SCAPER: variants seen among roughly 807,000 people sequenced by gnomAD.
SCAPER encodes S phase cyclin A-associated protein in the endoplasmic reticulum.
In SCAPER, 98 loss-of-function variants were observed where a neutral mutation model predicts 182.2. The ratio of observed to expected loss-of-function variants is 0.54; its 90% CI spans 0.46 to 0.64. The LOEUF is 0.64. Among genes scored for constraint, SCAPER ranks in the 30% least tolerant of loss-of-function variants. SCAPER has a pLI of 0.00. For missense variants in SCAPER, 1,432 were observed against 1,690.0 expected (o/e 0.85, Z 2.68); for synonymous variants, 605 against 564.6 (o/e 1.07, Z -1.01).
chr15:76,681,481 G>A (rs557424896), intron 20 of SCAPER, among the ~76,000 whole-genome samples: 2 of 152,192 alleles, frequency 1.3e-5, no homozygotes, highest in Non-Finnish European at 2.9e-5. Flanking sequence ...ATGCAGCCAG[G>A]AGGAACATCT....
chr15:76,726,751 T>C (rs879870275), intron 17 of SCAPER, among the ~76,000 whole-genome samples: 1 of 152,066 alleles, frequency 6.6e-6, no homozygotes, highest in African/African-American at 2.4e-5. Flanking sequence ...AAATACCGTA[T>C]GATTCCACTT....
chr15:76,520,454 G>C lies in SCAPER; in HGVS notation c.2839-15480C>G, dbSNP rs1188635977. On this transcript the variant is annotated intron_variant, in intron 23 of 31. Transcript: ENST00000563290. ...GCTGGGCTTGAACTCCTGAGCTTAA[G>C]TGACCCAACCACCTTGACCTCCCAA... is the stretch of plus-strand genomic sequence containing the variant. 3.3e-5 allele frequency among the ~76,000 whole-genome samples: 5 copies of C among 152,116 alleles called. No homozygotes were observed. The East Asian group carries it at 7.7e-4, about 23-fold the overall frequency.
chr15:76,562,922 C>T (rs2046754755), intron 23 of SCAPER, among the ~76,000 whole-genome samples: 2 of 152,054 alleles, frequency 1.3e-5, no homozygotes, highest in Non-Finnish European at 2.9e-5. Flanking sequence ...AACTGTATAA[C>T]ATAAATTCTC....
intron 24 of SCAPER, among the ~76,000 whole-genome samples, chr15:76,495,100 T>C (rs1323257172): frequency 6.6e-6 from 1 of 152,128 alleles, no homozygotes; most frequent in Non-Finnish European, 1.5e-5. Context: ...TGCCTTACCA[T>C]GGCATAGATG....
intron 21 of SCAPER, among the ~76,000 whole-genome samples, chr15:76,660,590 C>T (rs1224503589): frequency 6.6e-6 from 1 of 152,006 alleles, no homozygotes; most frequent in East Asian, 1.9e-4. Context: ...AGAAAGCTTC[C>T]TCAATCTGAT....
chr15:76,705,650 G>T (rs1392011457), intron 18 of SCAPER, among the ~76,000 whole-genome samples: 1 of 149,814 alleles, frequency 6.7e-6, no homozygotes, highest in Admixed American at 6.7e-5. Flanking sequence ...AAATATTAAA[G>T]ATTCTAAATT....
intron 21 of SCAPER, among the ~76,000 whole-genome samples, chr15:76,650,613 A>G (rs1211093077): frequency 6.6e-6 from 1 of 152,140 alleles, no homozygotes; most frequent in Non-Finnish European, 1.5e-5. Context: ...AAATGGAACA[A>G]TATCAGAGAG....
intron 20 of SCAPER, among the ~76,000 whole-genome samples, chr15:76,678,234 A>G (rs1217652067): frequency 3.9e-5 from 6 of 152,092 alleles, no homozygotes; most frequent in Non-Finnish European, 5.9e-5. Flanking sequence ...TTAAAGGCTT[A>G]TTTCTTTAAA....
chr15:76,671,525 T>C (rs982316968), intron 20 of SCAPER, among the ~76,000 whole-genome samples: 5 of 152,246 alleles, frequency 3.3e-5, no homozygotes, highest in South Asian at 2.1e-4. Context: ...ATCCCAGCAC[T>C]GTGGGAGGCC....
At chr15:76,738,202 C>T (rs1249546362) in intron 15 of SCAPER, among the ~76,000 whole-genome samples, 1 of 152,032 alleles carries the variant, frequency 6.6e-6, no homozygotes, top group Non-Finnish European at 1.5e-5. Context: ...TGCAGTGGCT[C>T]ACTGCAGCCT....
chr15:76,388,929 C>A (rs996783790), intron 27 of SCAPER, among the ~76,000 whole-genome samples: 1 of 150,552 alleles, frequency 6.6e-6, no homozygotes, highest in Non-Finnish European at 1.5e-5. Context: ...ACACTGCACT[C>A]TAGCCTGGCG....
chr15:76,618,510 T>C (rs1258505608), intron 22 of SCAPER, among the ~76,000 whole-genome samples: 1 of 152,222 alleles, frequency 6.6e-6, no homozygotes, highest in Non-Finnish European at 1.5e-5. Flanking sequence ...ACAGCAAACT[T>C]ACTGTCCTGT....
intron 5 of SCAPER, among the ~76,000 whole-genome samples, chr15:76,830,629 G>A (rs2068384344): frequency 1.3e-5 from 2 of 151,998 alleles, no homozygotes; most frequent in South Asian, 4.2e-4. Flanking sequence ...AACACCTGGG[G>A]GTAAAAGTAG....
chr15:76,741,225 G>A (rs1195658023), intron 15 of SCAPER, among the ~76,000 whole-genome samples: 1 of 152,020 alleles, frequency 6.6e-6, no homozygotes, highest in Non-Finnish European at 1.5e-5. Flanking sequence ...TATAATAATA[G>A]GAAAATGTCT....
rs1302657767 is a variant in SCAPER, at chr15:76,832,080, G to C, written c.393+9654C>G. 3.3e-5 allele frequency among the ~76,000 whole-genome samples: 5 copies of C among 152,170 alleles called. 1 individual carries two copies. The highest frequency in any genetic ancestry group is 2.6e-4 in the Admixed American group (4 of 15,280). On this transcript the variant is annotated intron_variant, in intron 5 of 31. Coordinates refer to ENST00000563290, the MANE Select transcript of SCAPER (RefSeq NM_020843.4). ...AAATTCTGGCAATTCTCAAACCAGAGTATCTTCTTATCTCCAAATAACTGC... is the reference window on the plus strand; with the variant it reads ...AAATTCTGGCAATTCTCAAACCAGACTATCTTCTTATCTCCAAATAACTGC...
Position 76,702,923 on chromosome 15 carries a change from T to A in SCAPER, c.2327A>T (p.His776Leu). Residue 776 changes from histidine to leucine, a missense_variant, in exon 19 of 32, where the codon CAT becomes CTT. His to Leu is a moderately conservative substitution (Grantham distance 99). Coordinates refer to ENST00000563290, the MANE Select transcript of SCAPER (RefSeq NM_020843.4). ...TTTGGGGGCATAATCAGTATTTGCA[T>A]GTCGCCCACTGCTTAGCTCAGCAGC... ...EKAAELSSGRHANTDYAPKLT... is the reference protein window; with the variant it reads ...EKAAELSSGRLANTDYAPKLT... 1 of 1,611,470 alleles carries A rather than the reference T, an allele frequency of 6.2e-7. No homozygotes were observed.
At chr15:76,442,041 A>T (rs2047649388) in intron 25 of SCAPER, among the ~76,000 whole-genome samples, 1 of 152,162 alleles carries the variant, frequency 6.6e-6, no homozygotes, top group African/African-American at 2.4e-5. Context: ...ATATCTATCT[A>T]TCTATCTATA....
At chr15:76,428,889 T>TATATATATATAA (rs1287094080) in intron 26 of SCAPER, among the ~76,000 whole-genome samples, 1 of 138,982 alleles carries the variant, frequency 7.2e-6, no homozygotes, top group Non-Finnish European at 1.5e-5. Flanking sequence ...TATATATATA[T>TATATATATATAA]ATATAAACAT....
intron 23 of SCAPER, among the ~76,000 whole-genome samples, chr15:76,544,832 T>C (rs943154654): frequency 3.3e-5 from 5 of 152,170 alleles, no homozygotes; most frequent in African/African-American, 1.2e-4. Flanking sequence ...TAAATCTCTT[T>C]AAGGTTGATA....
Sources: allele counts gnomAD v4.1 joint callset (sites outside exome capture counted in the v4.1 genomes callset), GRCh38; gene constraint gnomAD v4.1.1; transcripts MANE v1.5; gene names NCBI Gene and HGNC (gene_info 2026-07-23, HGNC 2026-07-21).